The following PLRG1 variants were observed in gnomAD, a reference collection of about 807,000 sequenced individuals.
The protein encoded by PLRG1 is pleiotropic regulator 1 (PRL1 homolog, Arabidopsis).
PLRG1 carries 28 observed loss-of-function variants against 74.9 expected under a neutral mutation model. The ratio of observed to expected loss-of-function variants is 0.37; its 90% CI spans 0.28 to 0.51. The LOEUF (loss-of-function observed/expected upper bound fraction) is 0.51, where lower values mean the gene tolerates loss of function less well. PLRG1 is among the 20% of genes least tolerant of loss of function. PLRG1 has a pLI of 0.91. For missense variants in PLRG1, 445 were observed against 631.9 expected, an observed-to-expected ratio of 0.70 and a Z score of 3.17; for synonymous variants, 197 against 212.4, an observed-to-expected ratio of 0.93 and a Z score of 0.63.
In PLRG1 at chr4:154,535,967, C is replaced by T. The variant is rs541780561; in HGVS notation, c.*718G>A. ...CACTTTCTTGTGCCTGGTTTCATCACTTTATGCCTCATCTCTTTTCCTTCT... is the reference window on the plus strand; with the variant it reads ...CACTTTCTTGTGCCTGGTTTCATCATTTTATGCCTCATCTCTTTTCCTTCT... On this transcript the variant is annotated 3_prime_UTR_variant, in exon 15 of 15. Coordinates refer to ENST00000499023, the MANE Select transcript of PLRG1 (RefSeq NM_002669.4). 2.0e-4 allele frequency: 31 copies of T among 152,458 alleles called. No homozygotes were observed. The highest frequency in any genetic ancestry group is 7.5e-4 in the African/African-American group (31 of 41,566). 9.4% of individuals were successfully genotyped at this position (152,458 alleles called of 1,614,324 possible). A position where few individuals can be genotyped will look rare whatever the true frequency, so the allele number is the denominator to read the frequency against.
intron 1 of PLRG1, among the ~76,000 whole-genome samples, chr4:154,550,006 G>C (rs1327524524): frequency 6.6e-6 from 1 of 152,192 alleles, no homozygotes; most frequent in Non-Finnish European, 1.5e-5. Context: ...ACCAGTGGTC[G>C]ATCACCAACA....
intron 2 of PLRG1, 99 bp downstream of exon 2, chr4:154,548,730 T>G (rs1729703137): frequency 3.0e-6 from 2 of 661,684 alleles, no homozygotes; most frequent in Non-Finnish European, 5.4e-6. Context: ...AATTAGCCCA[T>G]GACTAGCTTA....
intron 4 of PLRG1, 104 bp from the exon 5 acceptor site, chr4:154,546,317 C>A: frequency 1.5e-6 from 1 of 657,516 alleles, no homozygotes; most frequent in Non-Finnish European, 2.7e-6. Flanking sequence ...TGTTTATTAT[C>A]TCCAGGCAGT....
At chr4:154,548,214 C>G (rs1729694307) in intron 2 of PLRG1, among the ~76,000 whole-genome samples, 1 of 152,016 alleles carries the variant, frequency 6.6e-6, no homozygotes, top group Non-Finnish European at 1.5e-5. Flanking sequence ...TCTATAGCAA[C>G]CTTTACTAGA....
rs1200628045 is a variant in PLRG1 at position 154,535,052 on chromosome 4, A to G, written c.*1633T>C. 1 of 152,138 alleles carries G rather than the reference A, an allele frequency of 6.6e-6. No individual in the cohort carries two copies. Among genetic ancestry groups the G allele is most frequent in the African/African-American group, 2.4e-5 (1 of 41,424 alleles). The allele number at this position is 152,138 out of a possible 1,614,324, so 9.4% of individuals were successfully genotyped here. On this transcript the variant is annotated 3_prime_UTR_variant, in exon 15 of 15. Coordinates refer to ENST00000499023, the MANE Select transcript of PLRG1 (RefSeq NM_002669.4). ...AAGTTTACGAAATACATGCTTATAG[A>G]AAATTAAAACATTATAGAAATATGT...
Position 154,540,773 on chromosome 4 carries a change from C to T in PLRG1, c.837+12G>A, listed in dbSNP as rs1729542828. 1 of 1,612,572 alleles carries T rather than the reference C, an allele frequency of 6.2e-7. No individual in the cohort carries two copies. Among genetic ancestry groups the T allele is most frequent in the African/African-American group, 1.3e-5 (1 of 74,826 alleles). ...AGTTCACAATGTTTTAAATCCTTAA[C>T]TCCAAACTTACCTTATTGTATTCGA... On this transcript the variant is annotated intron_variant, in intron 9 of 14. Coordinates refer to ENST00000499023, the MANE Select transcript of PLRG1 (RefSeq NM_002669.4).
chr4:154,546,956 G>T, intron 4 of PLRG1, 55 bp downstream of exon 4: 2 of 1,279,316 alleles, frequency 1.6e-6, no homozygotes, highest in Non-Finnish European at 2.3e-6. Context: ...TGGCTCGTTA[G>T]TGAAAATATA....
Position 154,537,426 on chromosome 4 carries a change from T to G in PLRG1, c.1345A>C (p.Arg449=), listed in dbSNP as rs528229382. 137 of 1,613,410 alleles carry G rather than the reference T, an allele frequency of 8.5e-5. 1 individual carries two copies. In the South Asian group the frequency reaches 1.5e-3, roughly 17 times the overall value. The change falls in exon 14 of 15, where the codon AGA becomes CGA. Residue 449 remains arginine (R), a synonymous_variant. Transcript: ENST00000499023. ...CCAGGTTGCACAGCTGCGTGAACTC[T>G]CTGAAAATTGTAGCCAGTTCTCCAG... ...WDWRTGYNFQ[R]VHAAVQPGSL...
intron 14 of PLRG1, 116 bp downstream of exon 14, chr4:154,537,170 G>C: frequency 1.6e-6 from 1 of 620,130 alleles, no homozygotes; most frequent in Non-Finnish European, 2.7e-6. Flanking sequence ...CACTATTCAA[G>C]AAGACAGATA....
chr4:154,539,042 G>A, intron 12 of PLRG1, 63 bp downstream of exon 12: 3 of 954,590 alleles, frequency 3.1e-6, no homozygotes, highest in Non-Finnish European at 5.2e-6. Context: ...AACACCACTA[G>A]CATTTCAGCA....
chr4:154,541,258 C>G (rs971782763), intron 8 of PLRG1, among the ~76,000 whole-genome samples: 6 of 152,002 alleles, frequency 3.9e-5, no homozygotes, highest in Admixed American at 1.3e-4. Flanking sequence ...CTAAAAGCAG[C>G]AAATACAGAT....
intron 2 of PLRG1, 66 bp from the exon 3 acceptor site, chr4:154,547,919 T>A: frequency 8.0e-7 from 1 of 1,244,468 alleles, no homozygotes; most frequent in African/African-American, 1.5e-5. Flanking sequence ...TTAGCTTAAG[T>A]TTGCCCATTC....
chr4:154,542,696 C>A (rs1055089343), intron 7 of PLRG1, among the ~76,000 whole-genome samples: 1 of 152,160 alleles, frequency 6.6e-6, no homozygotes, highest in African/African-American at 2.4e-5. Context: ...GAATACTATT[C>A]AGCCATAAAA....
chr4:154,544,716 C>T (rs1729617204), intron 6 of PLRG1, among the ~76,000 whole-genome samples, 170 bp from the exon 7 acceptor site: 1 of 152,144 alleles, frequency 6.6e-6, no homozygotes, highest in Admixed American at 6.5e-5. Flanking sequence ...AAATCACAGA[C>T]AGGCAGAGCA....
chr4:154,537,531 G>A lies in PLRG1; in HGVS notation c.1292-52C>T, dbSNP rs74876974. The A allele has an allele frequency of 3.1e-3, 4,027 of 1,314,226 alleles. 73 individuals carry two copies. In the African/African-American group the frequency reaches 0.049, roughly 16 times the overall value. The allele number at this position is 1,314,226 out of a possible 1,614,324, so 81.4% of individuals were successfully genotyped here. On this transcript the variant is annotated intron_variant, in intron 13 of 14. Transcript: ENST00000499023. ...TGGTATCCCCTCAGCAGTACAGCTTGACAAACATTTATGAAGCATCATTAG... is the reference window on the plus strand; with the variant it reads ...TGGTATCCCCTCAGCAGTACAGCTTAACAAACATTTATGAAGCATCATTAG...
Position 154,548,970 on chromosome 4 carries a change from C to G in PLRG1, c.10-35G>C, listed in dbSNP as rs201139202. On this transcript the variant is annotated intron_variant, in intron 1 of 14. Transcript: ENST00000499023. Reference sequence around the variant, plus strand: ...AAGAATGTAATTACACACCTATCTACAAATTACACAAATCATAACCTAAAG... The same window carrying G: ...AAGAATGTAATTACACACCTATCTAGAAATTACACAAATCATAACCTAAAG... The G allele has an allele frequency of 2.6e-6, 3 of 1,132,848 alleles. No individual in the cohort carries two copies. The South Asian group carries it at 3.7e-5, about 14-fold the overall frequency. The allele number at this position is 1,132,848 out of a possible 1,614,324, so 70.2% of individuals were successfully genotyped here. A position where few individuals can be genotyped will look rare whatever the true frequency, so the allele number is the denominator to read the frequency against.
chr4:154,541,050 G>A (rs182549529), intron 8 of PLRG1, 116 bp from the exon 9 acceptor site: 91 of 773,992 alleles, frequency 1.2e-4, no homozygotes, highest in African/African-American at 1.1e-3. Context: ...TAACAAATAC[G>A]TAAAAATAAA....
rs1390859081 is a variant in PLRG1 at position 154,550,372 on chromosome 4, G to A, written c.-64C>T. 8.0e-6 allele frequency: 12 copies of A among 1,503,430 alleles called. No homozygotes were observed. The East Asian group carries it at 1.6e-4, about 20-fold the overall frequency. 93.1% of individuals were successfully genotyped at this position (1,503,430 alleles called of 1,614,324 possible). ...TCTAATCACTAACGCAGTACCCGCC[G>A]CCACAGCTGTGCAGCACCTTCCGGA... On this transcript the variant is annotated 5_prime_UTR_variant, in exon 1 of 15. Transcript: ENST00000499023.
chr4:154,538,189 T>G, intron 12 of PLRG1, 81 bp from the exon 13 acceptor site: 1 of 684,040 alleles, frequency 1.5e-6, no homozygotes, highest in Non-Finnish European at 2.3e-6. Context: ...TTATTTCAGT[T>G]ATATTTTGCA....
Sources: gnomAD v4.1 joint callset for allele counts (sites outside exome capture counted in the v4.1 genomes callset) on GRCh38, gnomAD v4.1.1 for gene constraint, MANE v1.5 for transcripts, NCBI Gene and HGNC (gene_info 2026-07-23, HGNC 2026-07-21) for gene names.